TRAF3: variants seen among roughly 807,000 people sequenced by gnomAD.
TRAF3 encodes TNF receptor-associated factor 3.
Under a neutral mutation model 62.3 loss-of-function variants are expected in TRAF3, and 13 were observed. That is an observed-to-expected ratio of 0.21 (90% confidence interval 0.14 to 0.33). The LOEUF is 0.33. TRAF3 is among the 10% of genes least tolerant of loss of function. The pLI is 1.00. For missense variants in TRAF3, 440 were observed against 741.8 expected (o/e 0.59, Z 4.73); for synonymous variants, 269 against 283.4 (o/e 0.95, Z 0.51).
intron 9 of TRAF3, chr14:102,895,116 C>G (rs1889932739): frequency 2.2e-6 from 1 of 455,818 alleles, no homozygotes; most frequent in Non-Finnish European, 4.4e-6. Flanking sequence ...CCGTCTTTGA[C>G]AGATGGAAAT....
Position 102,905,678 on chromosome 14 carries a change from G to A in TRAF3, c.1601G>A (p.Cys534Tyr). Residue 534 changes from cysteine to tyrosine, a missense_variant, in exon 12 of 12, where the codon TGC becomes TAC. Coordinates refer to ENST00000392745, the MANE Select transcript of TRAF3 (RefSeq NM_145725.3). ...PTGEMNIASG[C>Y]PVFVAQTVLE... The stretch of plus-strand genomic sequence containing the variant: ...GGAGAGATGAATATCGCCTCTGGCT[G>A]CCCAGTCTTTGTGGCCCAAACTGTT... 1.2e-6 allele frequency: 2 copies of A among 1,612,678 alleles called. No homozygotes were observed. Among genetic ancestry groups the A allele is most frequent in the Non-Finnish European group, 1.7e-6 (2 of 1,178,810 alleles).
intron 2 of TRAF3, among the ~76,000 whole-genome samples, chr14:102,842,331 T>C (rs906681032): frequency 6.7e-6 from 1 of 148,736 alleles, no homozygotes; most frequent in East Asian, 1.9e-4. Flanking sequence ...TAAAATAATA[T>C]ATACACATGT....
intron 3 of TRAF3, 57 bp downstream of exon 3, chr14:102,870,503 T>A: frequency 6.3e-7 from 1 of 1,595,922 alleles, no homozygotes; most frequent in Non-Finnish European, 8.5e-7. Flanking sequence ...GGCCTCACCC[T>A]CTCCTTCATT....
intron 1 of TRAF3, among the ~76,000 whole-genome samples, chr14:102,799,678 T>C (rs555215839): frequency 2.4e-4 from 37 of 152,360 alleles, no homozygotes; most frequent in Admixed American, 3.3e-4. Context: ...CTTGAACTCT[T>C]GCCCTCAAAG....
intron 1 of TRAF3, among the ~76,000 whole-genome samples, chr14:102,783,794 A>G (rs933829131): frequency 1.6e-4 from 25 of 152,180 alleles, no homozygotes; most frequent in African/African-American, 6.0e-4. Flanking sequence ...TCTGAATTCC[A>G]GTCTGCCCTC....
chr14:102,881,481 C>G (rs1487643207), intron 6 of TRAF3, among the ~76,000 whole-genome samples: 1 of 151,686 alleles, frequency 6.6e-6, no homozygotes, highest in Non-Finnish European at 1.5e-5. Flanking sequence ...CCTTAGCAAA[C>G]TAACACAGGA....
At chr14:102,787,228 G>T (rs1413545179) in intron 1 of TRAF3, among the ~76,000 whole-genome samples, 1 of 152,006 alleles carries the variant, frequency 6.6e-6, no homozygotes, top group African/African-American at 2.4e-5. Context: ...TTATAAAAAG[G>T]GTAAAATGTC....
intron 6 of TRAF3, among the ~76,000 whole-genome samples, chr14:102,880,153 G>C (rs1888964253): frequency 1.3e-5 from 2 of 152,084 alleles, no homozygotes; most frequent in South Asian, 4.1e-4. Flanking sequence ...CCTCCCCTTT[G>C]GAAAATAGCA....
intron 6 of TRAF3, among the ~76,000 whole-genome samples, chr14:102,884,513 C>CA (rs1889251211): frequency 6.6e-6 from 1 of 151,986 alleles, no homozygotes; most frequent in Non-Finnish European, 1.5e-5. Context: ...TGATTAATAT[C>CA]AAAAATATGC....
intron 1 of TRAF3, among the ~76,000 whole-genome samples, chr14:102,787,141 G>C (rs373098726): frequency 2.0e-5 from 3 of 152,164 alleles, no homozygotes; most frequent in African/African-American, 7.2e-5. Context: ...ATGACAGGCT[G>C]TCTTGGAAGT....
At chr14:102,866,365 A>G (rs1198220053) in intron 2 of TRAF3, among the ~76,000 whole-genome samples, 2 of 152,170 alleles carry the variant, frequency 1.3e-5, no homozygotes, top group Non-Finnish European at 2.9e-5. Context: ...GTATACCCAT[A>G]TAACAAGTCT....
chr14:102,853,659 AC>A (rs1352347334), intron 2 of TRAF3, among the ~76,000 whole-genome samples: 1 of 151,378 alleles, frequency 6.6e-6, no homozygotes, highest in African/African-American at 2.4e-5. Flanking sequence ...ACATGGTGAA[AC>A]CCCCATCTCT....
At chr14:102,839,367 C>T (rs753528284) in intron 2 of TRAF3, among the ~76,000 whole-genome samples, 1 of 151,906 alleles carries the variant, frequency 6.6e-6, no homozygotes, top group African/African-American at 2.4e-5. Context: ...TACAGGTGCA[C>T]GCTACCACTT....
intron 2 of TRAF3, among the ~76,000 whole-genome samples, chr14:102,868,164 G>C (rs969243875): frequency 2.0e-5 from 3 of 152,246 alleles, no homozygotes; most frequent in African/African-American, 7.2e-5. Context: ...CAGGAACGCA[G>C]TGTATTTTTG....
At chr14:102,858,205 G>A (rs1887485976) in intron 2 of TRAF3, among the ~76,000 whole-genome samples, 1 of 151,090 alleles carries the variant, frequency 6.6e-6, no homozygotes, top group African/African-American at 2.4e-5. Flanking sequence ...AGGCTGGCAT[G>A]CAATGGCGTG....
intron 1 of TRAF3, among the ~76,000 whole-genome samples, chr14:102,793,439 C>A (rs1280772898): frequency 1.3e-5 from 2 of 152,192 alleles, no homozygotes; most frequent in Non-Finnish European, 2.9e-5. Context: ...CAGGTGTGAG[C>A]CACTGCTCCC....
At chr14:102,825,550 G>A (rs1900253196) in intron 1 of TRAF3, among the ~76,000 whole-genome samples, 1 of 152,246 alleles carries the variant, frequency 6.6e-6, no homozygotes, top group Non-Finnish European at 1.5e-5. Context: ...GCACAAGAGT[G>A]TTGGTGTGGG....
At chr14:102,794,972 A>G (rs1897993191) in intron 1 of TRAF3, among the ~76,000 whole-genome samples, 1 of 152,052 alleles carries the variant, frequency 6.6e-6, no homozygotes, top group African/African-American at 2.4e-5. Context: ...CTTCCCTTTT[A>G]TTTTAAATAA....
intron 11 of TRAF3, among the ~76,000 whole-genome samples, chr14:102,904,849 C>A (rs567057380): frequency 4.7e-5 from 7 of 148,280 alleles, no homozygotes; most frequent in African/African-American, 1.8e-4. Context: ...CGGTGGCTCA[C>A]GCCTGTAATC....
Sources: allele counts gnomAD v4.1 joint callset (sites outside exome capture counted in the v4.1 genomes callset), GRCh38; gene constraint gnomAD v4.1.1; transcripts MANE v1.5; gene names NCBI Gene and HGNC (gene_info 2026-07-23, HGNC 2026-07-21).